The following GNB1 variants were observed in gnomAD, a reference collection of about 807,000 sequenced individuals.
GNB1 encodes guanine nucleotide-binding protein G(I)/G(S)/G(T) subunit beta-1.
Under a neutral mutation model 42.9 loss-of-function variants are expected in GNB1, and 2 were observed. That is an observed-to-expected ratio of 0.05 (90% CI 0.02 to 0.15). GNB1 has a LOEUF of 0.15. Ranked by LOEUF, GNB1 falls within the 10% of genes least tolerant of loss-of-function variation. The probability of loss-of-function intolerance (pLI) is 1.00; values close to 1 mark genes in which losing one functional copy is unlikely to be tolerated. For missense variants in GNB1, 193 were observed against 462.2 expected, an observed-to-expected ratio of 0.42 and a Z score of 5.34; for synonymous variants, 183 against 174.7, an observed-to-expected ratio of 1.05 and a Z score of -0.38.
intron 5 of GNB1, among the ~76,000 whole-genome samples, chr1:1,812,428 A>C (rs1017438310): frequency 4.0e-5 from 6 of 148,240 alleles, no homozygotes; most frequent in African/African-American, 1.5e-4. Flanking sequence ...ACACACACAC[A>C]CCCTCCCCCC....
intron 1 of GNB1, chr1:1,890,489 C>A: frequency 6.7e-6 from 1 of 149,392 alleles, no homozygotes; most frequent in South Asian, 1.9e-4. Flanking sequence ...GGCCCGGCCC[C>A]GCCCGACCCG....
At chr1:1,791,048 A>G (rs1332030552) in intron 8 of GNB1, among the ~76,000 whole-genome samples, 1 of 152,168 alleles carries the variant, frequency 6.6e-6, no homozygotes, top group East Asian at 1.9e-4. Flanking sequence ...GGGTCTCAGA[A>G]AAGGCAGGCA....
intron 1 of GNB1, among the ~76,000 whole-genome samples, chr1:1,882,991 TA>T (rs766642998): frequency 2.6e-4 from 39 of 151,066 alleles, no homozygotes; most frequent in Non-Finnish European, 8.8e-5. Context: ...TCTACAAAGG[TA>T]AAGGAAAGCC....
intron 4 of GNB1, among the ~76,000 whole-genome samples, 178 bp from the exon 5 acceptor site, chr1:1,816,040 C>G (rs1313895484): frequency 6.6e-6 from 1 of 152,188 alleles, no homozygotes; most frequent in Non-Finnish European, 1.5e-5. Context: ...GTACCTCTTA[C>G]CAAGTCTCAG....
rs924703596 is a variant in GNB1 at position 1,801,382 on chromosome 1, A to C, written c.430+3037T>G. Among the ~76,000 whole-genome samples the C allele has an allele frequency of 3.3e-5, 5 of 152,296 alleles. No individual in the cohort carries two copies. The South Asian group carries it at 8.3e-4, about 25-fold the overall frequency. ...TTATAAGACCCCTAATTTCTTAAGA[A>C]TGTTTAAAGTAAAGAATACAACAAT... On this transcript the variant is annotated intron_variant, in intron 7 of 11. Coordinates refer to ENST00000378609, the MANE Select transcript of GNB1 (RefSeq NM_002074.5).
intron 2 of GNB1, among the ~76,000 whole-genome samples, chr1:1,835,424 C>A (rs1395573689): frequency 6.6e-6 from 1 of 152,198 alleles, no homozygotes; most frequent in Non-Finnish European, 1.5e-5. Context: ...TCCATGCAAG[C>A]CCCTTAGAAC....
intron 1 of GNB1, among the ~76,000 whole-genome samples, chr1:1,849,906 G>A (rs6664578): frequency 0.96 from 145,516 of 152,196 alleles, 69,680 homozygotes; most frequent in African/African-American, 0.99. Context: ...CTTCTGCCCC[G>A]TTTTCTTCCT....
intron 2 of GNB1, among the ~76,000 whole-genome samples, chr1:1,835,034 C>T (rs1647126880): frequency 6.6e-6 from 1 of 152,124 alleles, no homozygotes; most frequent in Non-Finnish European, 1.5e-5. Flanking sequence ...TGTGCCATGC[C>T]ATCTGCACTC....
chr1:1,802,726 T>C (rs1009117153), intron 7 of GNB1, among the ~76,000 whole-genome samples: 1 of 149,788 alleles, frequency 6.7e-6, no homozygotes, highest in African/African-American at 2.5e-5. Flanking sequence ...ATTGCACCAC[T>C]GTACTACAGC....
At chr1:1,804,651 C>A in intron 6 of GNB1, 70 bp from the exon 7 acceptor site, 1 of 1,211,218 alleles carries the variant, frequency 8.3e-7, no homozygotes. Flanking sequence ...AGGATTTTCT[C>A]ATCTCCAACT....
chr1:1,830,980 G>A (rs1425549478), intron 2 of GNB1, among the ~76,000 whole-genome samples: 1 of 152,074 alleles, frequency 6.6e-6, no homozygotes, highest in Non-Finnish European at 1.5e-5. Context: ...CCTGGCCAAC[G>A]TGGTGAAACT....
At chr1:1,794,737 C>A (rs1208048247) in intron 7 of GNB1, among the ~76,000 whole-genome samples, 2 of 152,174 alleles carry the variant, frequency 1.3e-5, no homozygotes, top group Non-Finnish European at 2.9e-5. Context: ...TGTCGCCAGG[C>A]TGGAGTGCAG....
chr1:1,854,078 C>T lies in GNB1; in HGVS notation c.-95-14840G>A, dbSNP rs569901077. Among the ~76,000 whole-genome samples, 69 of 152,338 alleles carry T rather than the reference C, an allele frequency of 4.5e-4. 1 individual carries two copies. Among genetic ancestry groups the T allele is most frequent in the African/African-American group, 1.4e-3 (60 of 41,576 alleles). On this transcript the variant is annotated intron_variant, in intron 1 of 11. Coordinates refer to ENST00000378609, the MANE Select transcript of GNB1 (RefSeq NM_002074.5). ...CGTAGGAAACAAGACACAGCACTTG[C>T]TGTTCTAGAACTTGCTTGTTGGTCG...
chr1:1,821,660 G>T (rs1157660760), intron 3 of GNB1, among the ~76,000 whole-genome samples: 1 of 152,194 alleles, frequency 6.6e-6, no homozygotes, highest in African/African-American at 2.4e-5. Flanking sequence ...TGGTACTTCG[G>T]AGACAAAGCA....
intron 1 of GNB1, among the ~76,000 whole-genome samples, chr1:1,857,629 A>T (rs1648379008): frequency 6.6e-6 from 1 of 152,104 alleles, no homozygotes; most frequent in Non-Finnish European, 1.5e-5. Flanking sequence ...CAATGACGAT[A>T]TCTTTAACAT....
chr1:1,864,314 C>CAAAAAAAAAAAAAAAAAAAAAAAAAA (rs1173466617), intron 1 of GNB1, among the ~76,000 whole-genome samples: 3 of 37,928 alleles, frequency 7.9e-5, no homozygotes, highest in Admixed American at 5.7e-4. Context: ...AAGACTCTCT[C>CAAAAAAAAAAAAAAAAAAAAAAAAAA]AAAAAAAAAA....
At chr1:1,842,687 G>A (rs1392219321) in intron 1 of GNB1, among the ~76,000 whole-genome samples, 1 of 152,184 alleles carries the variant, frequency 6.6e-6, no homozygotes, top group Non-Finnish European at 1.5e-5. Flanking sequence ...CTTTTGAGGT[G>A]ATGAAAATGT....
chr1:1,789,108 A>C lies in GNB1; in HGVS notation c.861T>G (p.Ala287=), dbSNP rs151315046. 6.2e-7 allele frequency: 1 copy of C among 1,614,106 alleles called. No individual in the cohort carries two copies. Among genetic ancestry groups the C allele is most frequent in the African/African-American group, 1.3e-5 (1 of 74,944 alleles). The part of the protein sequence containing the change: ...SFSKSGRLLL[A]GYDDFNCNVW... ...CGTTGCAGTTGAAGTCGTCGTACCC[A>C]GCAAGGAGGAGGCGCCCGCTCTTGG... Residue 287 remains alanine (A), a synonymous_variant, in exon 10 of 12, where the codon GCT becomes GCG. Coordinates refer to ENST00000378609, the MANE Select transcript of GNB1 (RefSeq NM_002074.5).
intron 3 of GNB1, among the ~76,000 whole-genome samples, chr1:1,824,362 AATTGCTT>A (rs1355027856): frequency 1.3e-5 from 2 of 152,060 alleles, no homozygotes; most frequent in Admixed American, 1.3e-4. Flanking sequence ...GAGGCAAGAG[AATTGCTT>A]GAAAGAGGTT....
Sources: gnomAD v4.1 joint callset for allele counts (sites outside exome capture counted in the v4.1 genomes callset) on GRCh38, gnomAD v4.1.1 for gene constraint, MANE v1.5 for transcripts, NCBI Gene and HGNC (gene_info 2026-07-23, HGNC 2026-07-21) for gene names.